The following CDH18 variants were observed in gnomAD, a reference collection of about 807,000 sequenced individuals.
The protein encoded by CDH18 is cadherin 18.
A neutral mutation model predicts 67.9 loss-of-function variants in CDH18; 31 were observed. That is an observed-to-expected ratio of 0.46 (90% CI 0.34 to 0.62). The LOEUF is 0.62. CDH18 is among the 20% of genes least tolerant of loss of function. CDH18 has a pLI of 0.01. For synonymous variants in CDH18, 362 were observed against 347.2 expected (o/e 1.04, Z -0.48); for missense variants, 890 against 975.5 (o/e 0.91, Z 1.17).
At chr5:19,669,965 T>A (rs887859195) in intron 5 of CDH18, among the ~76,000 whole-genome samples, 5 of 152,018 alleles carry the variant, frequency 3.3e-5, no homozygotes, top group Non-Finnish European at 7.4e-5. Context: ...TTCTAACAAG[T>A]TCCAAAGCGA....
intron 3 of CDH18, among the ~76,000 whole-genome samples, chr5:19,817,230 T>C (rs1206405329): frequency 2.0e-5 from 3 of 151,972 alleles, no homozygotes; most frequent in Admixed American, 6.6e-5. Context: ...ACCCTATGTG[T>C]TGTTATCTCT....
intron 1 of CDH18, among the ~76,000 whole-genome samples, chr5:20,450,600 C>T (rs1342067206): frequency 1.3e-5 from 2 of 152,124 alleles, no homozygotes; most frequent in Non-Finnish European, 2.9e-5. Flanking sequence ...CACAGACACA[C>T]ATACTGAAGC....
intron 4 of CDH18, among the ~76,000 whole-genome samples, chr5:19,726,599 T>A (rs1766879224): frequency 1.3e-5 from 2 of 152,208 alleles, no homozygotes; most frequent in African/African-American, 4.8e-5. Flanking sequence ...GCCCTACTGT[T>A]CAAGGATCTT....
chr5:20,005,415 T>TACAC (rs3065076), intron 2 of CDH18, among the ~76,000 whole-genome samples: 1,950 of 147,152 alleles, frequency 0.013, 25 homozygotes, highest in Middle Eastern at 0.029. Flanking sequence ...TATATATATG[T>TACAC]ACACACACAC....
intron 1 of CDH18, among the ~76,000 whole-genome samples, chr5:20,479,447 C>T (rs1195622382): frequency 6.6e-6 from 1 of 152,020 alleles, no homozygotes; most frequent in Non-Finnish European, 1.5e-5. Context: ...ATTATGCAGA[C>T]ATTTTTTAAA....
intron 2 of CDH18, among the ~76,000 whole-genome samples, chr5:20,248,364 T>C (rs543212059): frequency 2.0e-5 from 3 of 152,342 alleles, no homozygotes; most frequent in East Asian, 1.9e-4. Flanking sequence ...TCATAAGCTG[T>C]CAGCTTGATT....
At chr5:20,208,201 T>C (rs183495464) in intron 2 of CDH18, among the ~76,000 whole-genome samples, 1 of 152,206 alleles carries the variant, frequency 6.6e-6, no homozygotes, top group Admixed American at 6.6e-5. Flanking sequence ...ATGTCTTACA[T>C]GGCAACAAGC....
intron 3 of CDH18, among the ~76,000 whole-genome samples, chr5:19,816,760 TA>T (rs1351832507): frequency 1.3e-5 from 2 of 151,956 alleles, no homozygotes; most frequent in East Asian, 1.9e-4. Context: ...AAACCGAAGA[TA>T]AAAAGGGCTA....
intron 2 of CDH18, among the ~76,000 whole-genome samples, chr5:20,230,484 A>G (rs1270263912): frequency 6.6e-6 from 1 of 152,268 alleles, no homozygotes; most frequent in Admixed American, 6.5e-5. Context: ...TTCTATCTAA[A>G]TTATCTTTTA....
chr5:19,666,735 G>T (rs1758015210), intron 5 of CDH18, among the ~76,000 whole-genome samples: 2 of 152,026 alleles, frequency 1.3e-5, no homozygotes, highest in Non-Finnish European at 2.9e-5. Flanking sequence ...AGAGAACTAG[G>T]ATATTTCAGT....
intron 1 of CDH18, among the ~76,000 whole-genome samples, chr5:20,319,154 C>T (rs986579076): frequency 1.3e-5 from 2 of 152,282 alleles, no homozygotes; most frequent in Non-Finnish European, 1.5e-5. Flanking sequence ...TTAAGACACA[C>T]AGTACTTTTT....
intron 2 of CDH18, among the ~76,000 whole-genome samples, chr5:19,922,010 G>C (rs776855310): frequency 1.2e-4 from 18 of 152,038 alleles, no homozygotes; most frequent in Non-Finnish European, 2.2e-4. Context: ...TTTACTAATG[G>C]AGAAAGTTAA....
At chr5:20,060,940 A>C (rs994770916) in intron 2 of CDH18, among the ~76,000 whole-genome samples, 6 of 151,990 alleles carry the variant, frequency 3.9e-5, no homozygotes, top group Admixed American at 1.3e-4. Context: ...TCCTGATAAC[A>C]TGATGCAAGA....
At chr5:20,571,551 T>A (rs1039172323) in intron 1 of CDH18, among the ~76,000 whole-genome samples, 1 of 152,136 alleles carries the variant, frequency 6.6e-6, no homozygotes, top group East Asian at 1.9e-4. Context: ...CAGAACTTTG[T>A]GTATTGTATA....
intron 2 of CDH18, among the ~76,000 whole-genome samples, chr5:20,172,583 T>A (rs1309099094): frequency 6.6e-6 from 1 of 151,728 alleles, no homozygotes; most frequent in East Asian, 1.9e-4. Flanking sequence ...CTGCTCAACT[T>A]GCCACTGTTT....
At chr5:20,542,675 G>A (rs1428731) in intron 1 of CDH18, among the ~76,000 whole-genome samples, 66,949 of 151,576 alleles carry the variant, frequency 0.44, 15,198 homozygotes, top group East Asian at 0.57. Context: ...TTTTCCATAC[G>A]AAAGACATTT....
intron 1 of CDH18, among the ~76,000 whole-genome samples, chr5:20,483,376 C>T (rs1006307959): frequency 2.6e-5 from 4 of 151,780 alleles, no homozygotes; most frequent in Admixed American, 2.6e-4. Flanking sequence ...GCAATTCCTA[C>T]CAAAATAACA....
chr5:20,091,394 G>C (rs909154336), intron 2 of CDH18, among the ~76,000 whole-genome samples: 12 of 152,064 alleles, frequency 7.9e-5, no homozygotes. Flanking sequence ...AGGAGGCTGA[G>C]GCAGGAAGAT....
At position 19,541,658 on chromosome 5, in the gene CDH18, G is replaced by T. The variant is rs141956207; in HGVS notation, c.1390+2211C>A. 2.0e-4 allele frequency among the ~76,000 whole-genome samples: 31 copies of T among 152,202 alleles called. 1 individual carries two copies. The East Asian group carries it at 5.8e-3, about 29-fold the overall frequency. ...CAGGCAAGAGAGAGCGTGTGCAGGG[G>T]AACTCCCCTTTATAAAACCATCAGA... On this transcript the variant is annotated intron_variant, in intron 9 of 12. Coordinates refer to ENST00000382275, the MANE Select transcript of CDH18 (RefSeq NM_004934.5).
Sources: gnomAD v4.1 joint callset for allele counts (sites outside exome capture counted in the v4.1 genomes callset) on GRCh38, gnomAD v4.1.1 for gene constraint, MANE v1.5 for transcripts, NCBI Gene and HGNC (gene_info 2026-07-23, HGNC 2026-07-21) for gene names.